Variants in PTPRD observed in about 807,000 individuals in gnomAD.
PTPRD encodes the protein protein tyrosine phosphatase receptor type D.
PTPRD carries 34 observed loss-of-function variants against 214.5 expected under a neutral mutation model. The ratio of observed to expected loss-of-function variants is 0.16; its 90% CI spans 0.12 to 0.21. The LOEUF (loss-of-function observed/expected upper bound fraction) is 0.21. Ranked by LOEUF, PTPRD falls within the 10% of genes least tolerant of loss-of-function variation. PTPRD has a pLI of 1.00. For synonymous variants in PTPRD, 1,128 were observed against 845.7 expected, an observed-to-expected ratio of 1.33 and a Z score of -5.79; for missense variants, 2,545 against 2,398.7, an observed-to-expected ratio of 1.06 and a Z score of -1.27.
intron 9 of PTPRD, among the ~76,000 whole-genome samples, chr9:9,347,663 C>T (rs990196804): frequency 6.6e-6 from 1 of 152,068 alleles, no homozygotes; most frequent in Admixed American, 6.6e-5. Flanking sequence ...AAATATATAG[C>T]AGCAGATAAT....
intron 35 of PTPRD, among the ~76,000 whole-genome samples, chr9:8,418,568 A>ATT (rs138694040): frequency 2.7e-5 from 4 of 146,428 alleles, no homozygotes; most frequent in Admixed American, 1.4e-4. Context: ...TGTAAAATAC[A>ATT]TTTTTTTTTT....
At chr9:8,453,340 T>C (rs2096041547) in intron 33 of PTPRD, among the ~76,000 whole-genome samples, 1 of 151,558 alleles carries the variant, frequency 6.6e-6, no homozygotes, top group Non-Finnish European at 1.5e-5. Context: ...ATTTTTTGTA[T>C]TTTTTAGTAG....
intron 7 of PTPRD, among the ~76,000 whole-genome samples, chr9:9,602,040 T>C (rs929494451): frequency 6.6e-6 from 1 of 152,116 alleles, no homozygotes; most frequent in African/African-American, 2.4e-5. Flanking sequence ...TGTAGGCAGA[T>C]GATCTACTGG....
At chr9:9,173,884 T>A (rs1178537157) in intron 10 of PTPRD, among the ~76,000 whole-genome samples, 1 of 152,140 alleles carries the variant, frequency 6.6e-6, no homozygotes, top group Non-Finnish European at 1.5e-5. Context: ...TGTATCCCAA[T>A]ATCTGCAGTG....
At chr9:9,408,432 T>A (rs2074292703) in intron 8 of PTPRD, among the ~76,000 whole-genome samples, 1 of 151,870 alleles carries the variant, frequency 6.6e-6, no homozygotes, top group South Asian at 2.1e-4. Context: ...TGTTTACAAA[T>A]GTGCCCTTAT....
intron 9 of PTPRD, among the ~76,000 whole-genome samples, chr9:9,232,601 G>C (rs573815262): frequency 7.2e-5 from 11 of 152,150 alleles, no homozygotes; most frequent in African/African-American, 2.2e-4. Flanking sequence ...ATAAATAATA[G>C]AAATGCAAGC....
At chr9:9,650,987 T>A (rs2096328469) in intron 7 of PTPRD, among the ~76,000 whole-genome samples, 2 of 152,086 alleles carry the variant, frequency 1.3e-5, no homozygotes, top group Non-Finnish European at 2.9e-5. Flanking sequence ...TATTAAATTA[T>A]ACAAATAATT....
intron 2 of PTPRD, among the ~76,000 whole-genome samples, chr9:10,377,432 C>T (rs1437068345): frequency 1.3e-5 from 2 of 151,692 alleles, no homozygotes; most frequent in Non-Finnish European, 2.9e-5. Flanking sequence ...TAATGCTATC[C>T]CTCCCCTCTC....
At chr9:8,696,219 G>A (rs1452380729) in intron 12 of PTPRD, among the ~76,000 whole-genome samples, 1 of 152,118 alleles carries the variant, frequency 6.6e-6, no homozygotes. Context: ...AAACCAAGAG[G>A]GCTGGCCTCT....
At chr9:9,893,951 C>A (rs2074194545) in intron 5 of PTPRD, among the ~76,000 whole-genome samples, 1 of 151,892 alleles carries the variant, frequency 6.6e-6, no homozygotes, top group South Asian at 2.1e-4. Flanking sequence ...TAGCTAAGAC[C>A]ACAAGTGCAC....
chr9:9,410,025 G>A (rs1287987333), intron 8 of PTPRD, among the ~76,000 whole-genome samples: 3 of 152,058 alleles, frequency 2.0e-5, no homozygotes, highest in Non-Finnish European at 4.4e-5. Flanking sequence ...TTTAATAAAT[G>A]TTTTATCAAA....
chr9:9,507,495 A>G (rs1217489211), intron 8 of PTPRD, among the ~76,000 whole-genome samples: 2 of 151,402 alleles, frequency 1.3e-5, no homozygotes, highest in Admixed American at 1.3e-4. Context: ...AAAGAAGACA[A>G]GATAAAATGA....
intron 2 of PTPRD, among the ~76,000 whole-genome samples, chr9:10,504,019 A>G (rs550418688): frequency 7.2e-4 from 106 of 146,674 alleles, no homozygotes; most frequent in East Asian, 3.2e-3. Context: ...CGGAGACTGA[A>G]GCAGGAGAAT....
chr9:9,522,157 C>CAAAA (rs770450649), intron 8 of PTPRD, among the ~76,000 whole-genome samples: 4 of 40,378 alleles, frequency 9.9e-5, no homozygotes, highest in South Asian at 1.0e-3. Context: ...ATCTCCATCT[C>CAAAA]AAAAAAAAAA....
At chr9:10,281,989 TA>T (rs201333767) in intron 3 of PTPRD, among the ~76,000 whole-genome samples, 27,636 of 138,368 alleles carry the variant, frequency 0.2, 2,561 homozygotes, top group South Asian at 0.27. Context: ...GTTAAAATAA[TA>T]AAAAAAAAAA....
At chr9:8,642,665 G>C (rs1020372470) in intron 12 of PTPRD, among the ~76,000 whole-genome samples, 1 of 151,956 alleles carries the variant, frequency 6.6e-6, no homozygotes, top group Non-Finnish European at 1.5e-5. Context: ...AGTGAGGGGT[G>C]GTTCCAAGGG....
chr9:8,449,823 G>T lies in PTPRD; in HGVS notation c.3890C>A (p.Ser1297Tyr), dbSNP rs747185538. 1 of 1,613,918 alleles carries T rather than the reference G, an allele frequency of 6.2e-7. No homozygotes were observed. The change falls in exon 34 of 46, where the codon TCC (serine) becomes TAC (tyrosine). Residue 1297 changes from serine to tyrosine, a missense_variant. Ser to Tyr is a moderately radical substitution (Grantham distance 144). Coordinates refer to ENST00000381196, the MANE Select transcript of PTPRD (RefSeq NM_002839.4). ...CGGTATGCTGCTTTTTCTAGAGTCG[G>T]ACTCTGCCCTCTTCCTATAGGGGGA... ...ILLYKRKRAE[S>Y]DSRKSSIPNN... is the part of the protein sequence containing the mutation.
chr9:9,136,372 T>C (rs2099850908), intron 10 of PTPRD, among the ~76,000 whole-genome samples: 1 of 152,152 alleles, frequency 6.6e-6, no homozygotes, highest in South Asian at 2.1e-4. Context: ...TTTACTTATA[T>C]ATGTTAATTT....
chr9:8,500,808 C>T lies in PTPRD; in HGVS notation c.2074G>A (p.Asp692Asn), dbSNP rs376837190. 12 of 1,614,028 alleles carry T rather than the reference C, an allele frequency of 7.4e-6. No homozygotes were observed. The Admixed American group carries it at 1.5e-4, about 20-fold the overall frequency. ...AAGCTCTCAGGGCCAGGGCCGACAT[C>T]TGTATGGGCTGTCACAGTGATCCGG... Reference protein sequence around the residue: ...EYRITVTAHTDVGPGPESLSV... With the variant: ...EYRITVTAHTNVGPGPESLSV... The change falls in exon 24 of 46, where the codon GAT (aspartate) becomes AAT (asparagine). Residue 692 changes from aspartate (D) to asparagine (N), a missense_variant. By Grantham distance (23) the Asp-to-Asn change is conservative. Transcript: ENST00000381196.
Sources: gnomAD v4.1 joint callset for allele counts (sites outside exome capture counted in the v4.1 genomes callset) on GRCh38, gnomAD v4.1.1 for gene constraint, MANE v1.5 for transcripts, NCBI Gene and HGNC (gene_info 2026-07-23, HGNC 2026-07-21) for gene names.